Variants in MEGF6 observed in about 807,000 individuals in gnomAD.
MEGF6 encodes the protein multiple EGF like domains 6, also known as multiple epidermal growth factor-like domains protein 6.
In MEGF6, 184 loss-of-function variants were observed where a neutral mutation model predicts 207.1. The observed-to-expected ratio is 0.89, with a 90% confidence interval of 0.79 to 1.00. The LOEUF (loss-of-function observed/expected upper bound fraction) is 1.00, where lower values mean the gene tolerates loss of function less well. Among genes scored for constraint, MEGF6 ranks in the 50% least tolerant of loss-of-function variants. The pLI is 0.00. For synonymous variants in MEGF6, 1,038 were observed against 910.0 expected (o/e 1.14, Z -2.53); for missense variants, 2,282 against 2,202.9 (o/e 1.04, Z -0.72).
intron 3 of MEGF6, among the ~76,000 whole-genome samples, chr1:3,590,628 T>C (rs1643961169): frequency 6.6e-6 from 1 of 152,152 alleles, no homozygotes; most frequent in African/African-American, 2.4e-5. Context: ...GCCCTGACAT[T>C]GTCCTCCACG....
chr1:3,604,008 G>A (rs1644203340), intron 1 of MEGF6, among the ~76,000 whole-genome samples: 1 of 152,236 alleles, frequency 6.6e-6, no homozygotes, highest in Non-Finnish European at 1.5e-5. Flanking sequence ...AAACTGAGAG[G>A]GGCAAATGGC....
intron 35 of MEGF6, among the ~76,000 whole-genome samples, chr1:3,491,904 A>G (rs1569915831): frequency 6.6e-6 from 1 of 151,430 alleles, no homozygotes; most frequent in Admixed American, 6.6e-5. Context: ...CTAAGGAGCC[A>G]CCCTCACACA....
At chr1:3,492,237 G>GC (rs1640404243) in intron 35 of MEGF6, among the ~76,000 whole-genome samples, 1 of 152,184 alleles carries the variant, frequency 6.6e-6, no homozygotes, top group African/African-American at 2.4e-5. Context: ...ACACCCTGGT[G>GC]CACGTGTATG....
chr1:3,515,270 T>C, intron 6 of MEGF6, 132 bp downstream of exon 6: 1 of 1,107,942 alleles, frequency 9.0e-7, no homozygotes, highest in Non-Finnish European at 1.3e-6. Context: ...TGGCCCCAAA[T>C]GTGCCATCCC....
chr1:3,568,103 AC>A (rs1643397983), intron 4 of MEGF6, among the ~76,000 whole-genome samples: 1 of 152,130 alleles, frequency 6.6e-6, no homozygotes, highest in South Asian at 2.1e-4. Flanking sequence ...AGGAATTTGC[AC>A]CCGGAGTCTC....
chr1:3,497,405 T>TG (rs1395291540), intron 26 of MEGF6, 44 bp from the exon 27 acceptor site: 1 of 1,478,612 alleles, frequency 6.8e-7, no homozygotes, highest in Non-Finnish European at 9.0e-7. Context: ...GAGGGGCCCG[T>TG]GGGGATCTGT....
Position 3,497,309 on chromosome 1 carries a change from C to T in MEGF6, c.3405G>A (p.Pro1135=), listed in dbSNP as rs375340096. The T allele has an allele frequency of 4.3e-4, 672 of 1,550,774 alleles. No homozygotes were observed. Among genetic ancestry groups the T allele is most frequent in the Non-Finnish European group, 5.4e-4 (620 of 1,152,714 alleles). The change falls in exon 27 of 37, where the codon CCG becomes CCA. Residue 1135 remains proline, a synonymous_variant. Transcript: ENST00000356575. ...TGACGTGGTGGCAGGCAGCGCCAGG[C>T]GGGCAGCTGCAGCGCTGGGCACAGG... ...GEACAQRCSC[P]PGAACHHVTG...
At chr1:3,613,547 C>T (rs534574609), upstream of MEGF6, among the ~76,000 whole-genome samples, 8 of 152,048 alleles carry the variant, frequency 5.3e-5, no homozygotes, top group South Asian at 2.1e-4. Context: ...GGCCCTGGGA[C>T]GGGGGTGGAG....
intron 4 of MEGF6, among the ~76,000 whole-genome samples, chr1:3,578,782 T>C (rs113555793): frequency 0.012 from 1,343 of 116,494 alleles, 30 homozygotes; most frequent in African/African-American, 0.017. Context: ...CCAGCACCTC[T>C]GCAGAACCCC....
At chr1:3,516,839 G>A (rs1641558929) in intron 5 of MEGF6, among the ~76,000 whole-genome samples, 2 of 152,214 alleles carry the variant, frequency 1.3e-5, no homozygotes, top group South Asian at 4.1e-4. Flanking sequence ...AGCCTTGGGA[G>A]GCTATTGGGG....
chr1:3,536,112 C>A (rs1215995994), intron 4 of MEGF6, among the ~76,000 whole-genome samples: 1 of 152,158 alleles, frequency 6.6e-6, no homozygotes, highest in East Asian at 1.9e-4. Context: ...GCAGTCTAGA[C>A]ACTCACCCTT....
rs1190335325 is a variant in MEGF6, at chr1:3,498,086, C to T, written c.3352+285G>A. ...CCTCTCTGCATGCAGGAAACAGGAA[C>T]GGCCCCCTGAGCCCCAAAGCATCCT... On this transcript the variant is annotated intron_variant, in intron 26 of 36. Transcript: ENST00000356575. Among the ~76,000 whole-genome samples the T allele has an allele frequency of 3.9e-5, 6 of 152,142 alleles. No individual in the cohort carries two copies. In the South Asian group the frequency reaches 8.3e-4, roughly 21 times the overall value.
At chr1:3,579,732 T>C in intron 4 of MEGF6, 93 bp downstream of exon 4, 1 of 848,884 alleles carries the variant, frequency 1.2e-6, no homozygotes, top group Non-Finnish European at 1.7e-6. Context: ...CCTACACAGC[T>C]GTGCTGGGGA....
chr1:3,543,297 G>A (rs1176066888), intron 4 of MEGF6, among the ~76,000 whole-genome samples: 1 of 152,134 alleles, frequency 6.6e-6, no homozygotes, highest in Non-Finnish European at 1.5e-5. Context: ...CCTGCCAGGG[G>A]TCCCCAGGCC....
chr1:3,586,168 C>G (rs942540126), intron 3 of MEGF6, among the ~76,000 whole-genome samples: 2 of 149,910 alleles, frequency 1.3e-5, no homozygotes, highest in Non-Finnish European at 2.9e-5. Context: ...GACACATGTC[C>G]TGTGTGTGGG....
intron 4 of MEGF6, among the ~76,000 whole-genome samples, chr1:3,526,125 A>ACCAGACTTCCAGAAGCACTTCCAGACT (rs955890905): frequency 5.3e-5 from 8 of 152,146 alleles, no homozygotes; most frequent in African/African-American, 1.7e-4. Flanking sequence ...CATGACCCCC[A>ACCAGACTTCCAGAAGCACTTCCAGACT]CCAGAGAGAC....
the MEGF6 span, among the ~76,000 whole-genome samples, chr1:3,617,852 G>A: frequency 6.6e-6 from 1 of 152,182 alleles, no homozygotes; most frequent in Non-Finnish European, 1.5e-5. Context: ...ATGAGCCAAG[G>A]GGAACCGGGG....
At position 3,505,346 on chromosome 1, in the gene MEGF6, C is replaced by G. The variant is rs377157138; in HGVS notation, c.2054-4G>C. 6 of 1,609,298 alleles carry G rather than the reference C, an allele frequency of 3.7e-6. No homozygotes were observed. In the African/African-American group the frequency reaches 8.1e-5, roughly 22 times the overall value. On this transcript the variant is annotated splice_region_variant and splice_polypyrimidine_tract_variant and intron_variant, in intron 16 of 36. Coordinates refer to ENST00000356575, the MANE Select transcript of MEGF6 (RefSeq NM_001409.4). ...CCAAAGTAGCCCAGCTCACACTCTG[C>G]AGGGCGTGAGAGAGGGGTGGGTGGG...
chr1:3,525,826 C>T (rs1641940141), intron 4 of MEGF6, among the ~76,000 whole-genome samples: 2 of 152,372 alleles, frequency 1.3e-5, no homozygotes, highest in South Asian at 2.1e-4. Context: ...CAGATGGCTT[C>T]GGGCTGCCCA....
Sources: gnomAD v4.1 joint callset for allele counts (sites outside exome capture counted in the v4.1 genomes callset) on GRCh38, gnomAD v4.1.1 for gene constraint, MANE v1.5 for transcripts, NCBI Gene and HGNC (gene_info 2026-07-23, HGNC 2026-07-21) for gene names.